PPM1E: variants seen among roughly 807,000 people sequenced by gnomAD.
PPM1E encodes the protein protein phosphatase 1E.
A neutral mutation model predicts 65.9 loss-of-function variants in PPM1E; 20 were observed. The ratio of observed to expected loss-of-function variants is 0.30; its 90% CI spans 0.21 to 0.44. The LOEUF (loss-of-function observed/expected upper bound fraction) is 0.44. Ranked by LOEUF, PPM1E falls within the 20% of genes least tolerant of loss-of-function variation. The pLI is 1.00. For missense variants in PPM1E, 713 were observed against 953.1 expected (o/e 0.75, Z 3.32); for synonymous variants, 352 against 374.9 (o/e 0.94, Z 0.70).
At chr17:58,977,638 C>G (rs1663276937) in intron 6 of PPM1E, among the ~76,000 whole-genome samples, 1 of 152,146 alleles carries the variant, frequency 6.6e-6, no homozygotes, top group African/African-American at 2.4e-5. Context: ...ATCATGCAAC[C>G]TGCTAGATAG....
At chr17:58,944,396 TAC>T (rs1431837464) in intron 1 of PPM1E, among the ~76,000 whole-genome samples, 1 of 152,158 alleles carries the variant, frequency 6.6e-6, no homozygotes, top group African/African-American at 2.4e-5. Flanking sequence ...AGGATTTTAA[TAC>T]AGTCACAGTT....
intron 1 of PPM1E, among the ~76,000 whole-genome samples, chr17:58,861,593 T>C (rs992779981): frequency 5.3e-5 from 8 of 152,298 alleles, no homozygotes; most frequent in Admixed American, 1.3e-4. Context: ...ATGCACTTGA[T>C]AAGGTTATTT....
At chr17:58,781,278 T>C (rs2050047415) in intron 1 of PPM1E, among the ~76,000 whole-genome samples, 1 of 151,814 alleles carries the variant, frequency 6.6e-6, no homozygotes, top group Non-Finnish European at 1.5e-5. Flanking sequence ...GTAGCTGGGA[T>C]TACAGGCATC....
intron 1 of PPM1E, among the ~76,000 whole-genome samples, chr17:58,853,472 T>C (rs2050849779): frequency 6.6e-6 from 1 of 152,194 alleles, no homozygotes; most frequent in South Asian, 2.1e-4. Context: ...TCTACATATG[T>C]GTCTGTCTTT....
chr17:58,963,058 T>C (rs1273435337), intron 2 of PPM1E, among the ~76,000 whole-genome samples: 1 of 151,776 alleles, frequency 6.6e-6, no homozygotes, highest in African/African-American at 2.4e-5. Flanking sequence ...CACCCCACTC[T>C]AGCCTGGGCA....
chr17:58,904,158 G>T (rs983680076), intron 1 of PPM1E, among the ~76,000 whole-genome samples: 2 of 152,060 alleles, frequency 1.3e-5, no homozygotes, highest in Non-Finnish European at 2.9e-5. Context: ...AATAAAAAAG[G>T]TACTATGAAA....
At chr17:58,792,743 C>CTTTTTTTTTTTTTTTTTTTTTTT (rs780992600) in intron 1 of PPM1E, among the ~76,000 whole-genome samples, 2 of 76,382 alleles carry the variant, frequency 2.6e-5, no homozygotes, top group Non-Finnish European at 4.5e-5. Context: ...GAATTTTACT[C>CTTTTTTTTTTTTTTTTTTTTTTT]TTTTTTTTTT....
chr17:58,930,997 T>C (rs1039085526), intron 1 of PPM1E, among the ~76,000 whole-genome samples: 24 of 148,560 alleles, frequency 1.6e-4, no homozygotes, highest in Non-Finnish European at 3.3e-4. Flanking sequence ...GTGGATCACC[T>C]GAGGTCAGGA....
At chr17:58,978,613 A>G (rs972306766) in intron 6 of PPM1E, among the ~76,000 whole-genome samples, 6 of 152,190 alleles carry the variant, frequency 3.9e-5, no homozygotes, top group African/African-American at 1.4e-4. Flanking sequence ...CCGGAGGCGG[A>G]GGCAGGAGAA....
intron 1 of PPM1E, among the ~76,000 whole-genome samples, chr17:58,869,399 T>C (rs2143337443): frequency 6.6e-6 from 1 of 152,310 alleles, no homozygotes; most frequent in East Asian, 1.9e-4. Flanking sequence ...AGATCATTTG[T>C]GAGTGGCTTG....
At chr17:58,795,572 C>T (rs184560539) in intron 1 of PPM1E, among the ~76,000 whole-genome samples, 5 of 152,192 alleles carry the variant, frequency 3.3e-5, no homozygotes, top group Admixed American at 6.5e-5. Flanking sequence ...GATGTGGTGG[C>T]GCACGCCTGT....
At chr17:58,978,723 T>C (rs1598715309) in intron 6 of PPM1E, among the ~76,000 whole-genome samples, 2 of 152,044 alleles carry the variant, frequency 1.3e-5, no homozygotes, top group East Asian at 3.9e-4. Flanking sequence ...AAAAAGTGAA[T>C]TGAGAGTCCC....
chr17:58,762,918 T>A (rs951489904), intron 1 of PPM1E, among the ~76,000 whole-genome samples: 17 of 150,294 alleles, frequency 1.1e-4, no homozygotes, highest in Non-Finnish European at 1.8e-4. Context: ...AAAAAAAAAA[T>A]TTGTTTTGGT....
chr17:58,793,837 G>A (rs542779820), intron 1 of PPM1E, among the ~76,000 whole-genome samples: 1 of 152,048 alleles, frequency 6.6e-6, no homozygotes, highest in South Asian at 2.1e-4. Flanking sequence ...TATAAACTGT[G>A]TATATACCAC....
rs772413547 is a variant in PPM1E at position 58,982,132 on chromosome 17, G to A, written c.*1101G>A. 1.3e-5 allele frequency: 2 copies of A among 152,620 alleles called. No homozygotes were observed. The highest frequency in any genetic ancestry group is 2.9e-5 in the Non-Finnish European group (2 of 68,024). The allele number at this position is 152,620 out of a possible 1,614,324, so 9.5% of individuals were successfully genotyped here. A position where few individuals can be genotyped will look rare whatever the true frequency, so the allele number is the denominator to read the frequency against. Reference sequence around the variant, plus strand: ...GAGGCCACTGAGAATGCAGATTACTGACAGCCAGGTCTGTTTAGTTGTAAT... The same window carrying A: ...GAGGCCACTGAGAATGCAGATTACTAACAGCCAGGTCTGTTTAGTTGTAAT... On this transcript the variant is annotated 3_prime_UTR_variant, in exon 7 of 7. Coordinates refer to ENST00000308249, the MANE Select transcript of PPM1E (RefSeq NM_014906.5).
rs774968022 is a variant in PPM1E, at chr17:58,931,066, TAAAAAAAAAAAA to T, written c.465-24574_465-24563del. 8.1e-3 allele frequency among the ~76,000 whole-genome samples: 675 copies of T among 83,144 alleles called. 12 individuals are homozygous for T. The highest frequency in any genetic ancestry group is 0.03 in the African/African-American group (651 of 21,616). The allele number at this position is 83,144 out of a possible 152,430, so 54.5% of individuals were successfully genotyped here. On this transcript the variant is annotated intron_variant, in intron 1 of 6. Coordinates refer to ENST00000308249, the MANE Select transcript of PPM1E (RefSeq NM_014906.5). ...CCATCTCTACTAAAAATACAAAAATTAAAAAAAAAAAAAAAAAAAAGAAAGAAAGAAAGAAAA... is the reference window on the plus strand; with the variant it reads ...CCATCTCTACTAAAAATACAAAAATTAAAAAAAAGAAAGAAAGAAAGAAAA...
chr17:58,973,672 G>A (rs1041417793), intron 6 of PPM1E, among the ~76,000 whole-genome samples: 1 of 151,812 alleles, frequency 6.6e-6, no homozygotes, highest in African/African-American at 2.4e-5. Context: ...AAAAACAAAG[G>A]CCGGGCGCAG....
At chr17:58,958,810 G>C (rs2029931652) in intron 2 of PPM1E, among the ~76,000 whole-genome samples, 1 of 151,736 alleles carries the variant, frequency 6.6e-6, no homozygotes, top group Admixed American at 6.6e-5. Context: ...TTTTTGAGCA[G>C]AGTCTCGCTC....
chr17:58,973,381 C>A (rs1455086324), intron 6 of PPM1E, among the ~76,000 whole-genome samples: 1 of 148,988 alleles, frequency 6.7e-6, no homozygotes. Flanking sequence ...CGCGCCATTG[C>A]ACGCCAGCCT....
Sources: gnomAD v4.1 joint callset for allele counts (sites outside exome capture counted in the v4.1 genomes callset) on GRCh38, gnomAD v4.1.1 for gene constraint, MANE v1.5 for transcripts, NCBI Gene and HGNC (gene_info 2026-07-23, HGNC 2026-07-21) for gene names.